ESR1: variants seen among roughly 807,000 people sequenced by gnomAD.
The protein encoded by ESR1 is estrogen receptor.
Under a neutral mutation model 52.7 loss-of-function variants are expected in ESR1, and 12 were observed. That is an observed-to-expected ratio of 0.23 (90% CI 0.15 to 0.37). ESR1 has a LOEUF of 0.37. Ranked by LOEUF, ESR1 falls within the 10% of genes least tolerant of loss-of-function variation. The pLI, the probability that ESR1 is intolerant of heterozygous loss-of-function variation, is 1.00. For synonymous variants in ESR1, 305 were observed against 316.8 expected (o/e 0.96, Z 0.39); for missense variants, 584 against 779.7 (o/e 0.75, Z 2.99).
intron 3 of ESR1, among the ~76,000 whole-genome samples, chr6:151,933,194 G>C (rs975910570): frequency 1.3e-5 from 2 of 150,624 alleles, no homozygotes; most frequent in East Asian, 2.0e-4. Context: ...GTATTCCTAG[G>C]TATTTTATTC....
At chr6:151,880,398 G>C (rs1392581927) in intron 2 of ESR1, among the ~76,000 whole-genome samples, 1 of 151,928 alleles carries the variant, frequency 6.6e-6, no homozygotes, top group South Asian at 2.1e-4. Flanking sequence ...GGTCAGGCTG[G>C]TCTTGAACTC....
chr6:152,090,650 G>A (rs2050107542), intron 6 of ESR1, among the ~76,000 whole-genome samples: 1 of 152,216 alleles, frequency 6.6e-6, no homozygotes, highest in South Asian at 2.1e-4. Context: ...CTAGAAAAGT[G>A]CTGAGAAATG....
chr6:151,678,170 T>TA (rs752123009), intron 1 of ESR1, among the ~76,000 whole-genome samples: 3 of 151,754 alleles, frequency 2.0e-5, no homozygotes, highest in Non-Finnish European at 2.9e-5. Flanking sequence ...CCTGGAGAAT[T>TA]AAAAAAAATA....
chr6:152,079,958 A>G (rs1255788333), intron 6 of ESR1, among the ~76,000 whole-genome samples: 2 of 152,210 alleles, frequency 1.3e-5, no homozygotes, highest in African/African-American at 4.8e-5. Flanking sequence ...GAGTGAAAAG[A>G]AACGAACAAA....
intron 4 of ESR1, among the ~76,000 whole-genome samples, chr6:152,006,848 T>C (rs2042372327): frequency 6.6e-6 from 1 of 152,054 alleles, no homozygotes; most frequent in Non-Finnish European, 1.5e-5. Context: ...TATTTTTTTT[T>C]CCAGTGAATC....
chr6:151,943,357 G>A (rs1035059052), intron 3 of ESR1, among the ~76,000 whole-genome samples: 2 of 151,012 alleles, frequency 1.3e-5, no homozygotes, highest in Non-Finnish European at 2.9e-5. Context: ...TCCAGCCTGG[G>A]TGACACAGCG....
At chr6:151,671,269 T>C (rs942414440) in intron 1 of ESR1, among the ~76,000 whole-genome samples, 2 of 152,182 alleles carry the variant, frequency 1.3e-5, no homozygotes, top group African/African-American at 4.8e-5. Flanking sequence ...AGTCAAGATA[T>C]GGAATCGACC....
At chr6:152,122,371 T>C (rs2051588656) in intron 6 of ESR1, 10 of 1,612,440 alleles carry the variant, frequency 6.2e-6, no homozygotes, top group African/African-American at 1.3e-5. Flanking sequence ...GTTGGTAGTT[T>C]GGGATTGCTT....
intron 4 of ESR1, among the ~76,000 whole-genome samples, chr6:151,999,673 C>T (rs2041797945): frequency 6.6e-6 from 1 of 152,034 alleles, no homozygotes; most frequent in Non-Finnish European, 1.5e-5. Context: ...CAAAATGTTT[C>T]CTACAGTCCT....
chr6:151,912,105 A>G (rs1798355213), intron 3 of ESR1, among the ~76,000 whole-genome samples: 2 of 152,360 alleles, frequency 1.3e-5, no homozygotes, highest in South Asian at 4.1e-4. Context: ...CAACATTTCT[A>G]TCACCACAGA....
intron 1 of ESR1, among the ~76,000 whole-genome samples, chr6:151,697,309 G>C (rs900510302): frequency 2.0e-5 from 3 of 152,214 alleles, no homozygotes; most frequent in African/African-American, 7.2e-5. Flanking sequence ...TTTCAGAAAT[G>C]ATTGGTGGAG....
At chr6:152,075,338 C>T (rs2048655033) in intron 6 of ESR1, among the ~76,000 whole-genome samples, 1 of 152,132 alleles carries the variant, frequency 6.6e-6, no homozygotes, top group Admixed American at 6.6e-5. Context: ...CATCTTAAGG[C>T]CCTTTTAAGA....
intron 4 of ESR1, among the ~76,000 whole-genome samples, chr6:151,947,379 G>C (rs1289823981): frequency 6.6e-6 from 1 of 152,100 alleles, no homozygotes; most frequent in Non-Finnish European, 1.5e-5. Context: ...CAAAATTTCA[G>C]TTCTAGAAAT....
intron 4 of ESR1, among the ~76,000 whole-genome samples, chr6:151,965,231 GTA>G (rs138554820): frequency 1.3e-5 from 2 of 151,468 alleles, no homozygotes; most frequent in East Asian, 1.9e-4. Flanking sequence ...CCAAACCATA[GTA>G]TATATATATA....
chr6:151,951,927 A>G (rs2128557899), intron 4 of ESR1, among the ~76,000 whole-genome samples: 1 of 152,222 alleles, frequency 6.6e-6, no homozygotes, highest in East Asian at 1.9e-4. Context: ...TCTCCTCTTT[A>G]CTGTGTACCA....
intron 2 of ESR1, among the ~76,000 whole-genome samples, chr6:151,799,175 G>A (rs982091110): frequency 1.3e-5 from 2 of 152,148 alleles, no homozygotes; most frequent in Non-Finnish European, 2.9e-5. Context: ...GCTGAGGGTG[G>A]GATAGAAAGA....
exon 7 of ESR1, chr6:152,129,076 G>A (rs1236224538): frequency 6.6e-6 from 1 of 152,280 alleles, no homozygotes; most frequent in Admixed American, 6.5e-5. Context: ...GGCGCCTTGC[G>A]AGTGTCGTAG....
rs553639811 is a variant in ESR1, at chr6:151,668,211, C to T, written n.73+11448C>T. On this transcript the variant is annotated intron_variant and non_coding_transcript_variant, in intron 1 of 2. Coordinates refer to the ESR1 transcript ENST00000473497. ...TTCAGTTTCTGCTTCATGCATGGTG[C>T]CTCCAGAGGACAGGAACACTGTGTC... 5.5e-4 allele frequency among the ~76,000 whole-genome samples: 84 copies of T among 152,238 alleles called. No individual in the cohort carries two copies. The South Asian group carries it at 6.6e-3, about 12-fold the overall frequency.
intron 2 of ESR1, among the ~76,000 whole-genome samples, chr6:151,762,106 G>C (rs1180982597): frequency 6.6e-6 from 1 of 152,174 alleles, no homozygotes; most frequent in Middle Eastern, 3.2e-3. Context: ...AAGTTCTCCA[G>C]GTGCTTCCAT....
Sources: allele counts gnomAD v4.1 joint callset (sites outside exome capture counted in the v4.1 genomes callset), GRCh38; gene constraint gnomAD v4.1.1; transcripts MANE v1.5; gene names NCBI Gene and HGNC (gene_info 2026-07-23, HGNC 2026-07-21).